Variants in ITGA8 observed in about 807,000 individuals in gnomAD.
The protein encoded by ITGA8 is integrin subunit alpha 8.
A neutral mutation model predicts 142.3 loss-of-function variants in ITGA8; 91 were observed. The observed-to-expected ratio is 0.64, with a 90% CI of 0.54 to 0.76. ITGA8 has a LOEUF of 0.76. Among genes scored for constraint, ITGA8 ranks in the 30% least tolerant of loss-of-function variants. The pLI, the probability that ITGA8 is intolerant of heterozygous loss-of-function variation, is 0.00. For missense variants in ITGA8, 1,406 were observed against 1,327.7 expected, an observed-to-expected ratio of 1.06 and a Z score of -0.92; for synonymous variants, 505 against 485.2, an observed-to-expected ratio of 1.04 and a Z score of -0.54.
intron 9 of ITGA8, among the ~76,000 whole-genome samples, chr10:15,660,359 C>A (rs1588704848): frequency 1.3e-5 from 2 of 152,170 alleles, no homozygotes. Context: ...AGTAGCTGCT[C>A]CTGCACATGG....
At chr10:15,661,025 A>G in intron 8 of ITGA8, 103 bp from the exon 9 acceptor site, 1 of 1,072,358 alleles carries the variant, frequency 9.3e-7, no homozygotes, top group Non-Finnish European at 1.4e-6. Flanking sequence ...TTGTAAAATG[A>G]GTGGCTATCA....
intron 4 of ITGA8, among the ~76,000 whole-genome samples, chr10:15,682,804 T>C (rs1834761818): frequency 6.8e-6 from 1 of 147,540 alleles, no homozygotes; most frequent in African/African-American, 2.5e-5. Context: ...TGAGCCATGA[T>C]CATCACACTA....
At position 15,660,985 on chromosome 10, in the gene ITGA8, G is replaced by A. The variant is rs974110018; in HGVS notation, c.848-63C>T. ...CACACACACAAACACACACACACACGCCATATACTAAAAGTGGTAAAGACA... is the reference window on the plus strand; with the variant it reads ...CACACACACAAACACACACACACACACCATATACTAAAAGTGGTAAAGACA... On this transcript the variant is annotated intron_variant, in intron 8 of 29. Transcript: ENST00000378076. 176 of 1,300,658 alleles carry A rather than the reference G, an allele frequency of 1.4e-4. 1 individual carries two copies. Among genetic ancestry groups the A allele is most frequent in the Non-Finnish European group, 6.8e-5 (61 of 901,742 alleles). The allele number at this position is 1,300,658 out of a possible 1,614,324, so 80.6% of individuals were successfully genotyped here. A position where few individuals can be genotyped will look rare whatever the true frequency, so the allele number is the denominator to read the frequency against.
intron 5 of ITGA8, 105 bp from the exon 6 acceptor site, chr10:15,677,742 T>G (rs1324973933): frequency 7.0e-6 from 8 of 1,141,846 alleles, no homozygotes; most frequent in Non-Finnish European, 1.0e-5. Context: ...AACAATTTGT[T>G]ACACATAAAA....
intron 13 of ITGA8, among the ~76,000 whole-genome samples, chr10:15,621,530 A>C (rs934808817): frequency 1.3e-5 from 2 of 152,176 alleles, no homozygotes; most frequent in Admixed American, 6.5e-5. Context: ...GATTTCACTA[A>C]TTTGGGAAAG....
chr10:15,530,500 C>T (rs533676348), intron 28 of ITGA8, among the ~76,000 whole-genome samples: 33 of 131,112 alleles, frequency 2.5e-4, no homozygotes, highest in South Asian at 5.2e-4. Flanking sequence ...GAGCTGAGAT[C>T]GTGCCCCTGC....
intron 12 of ITGA8, 150 bp from the exon 13 acceptor site, chr10:15,644,371 G>A: frequency 1.9e-6 from 1 of 537,358 alleles, no homozygotes; most frequent in Non-Finnish European, 3.0e-6. Flanking sequence ...GGACTCAAGT[G>A]ATCCTCCTGC....
chr10:15,661,420 T>C (rs1834285421), intron 8 of ITGA8, among the ~76,000 whole-genome samples: 2 of 152,098 alleles, frequency 1.3e-5, no homozygotes, highest in African/African-American at 2.4e-5. Context: ...ATGTAGAGGG[T>C]TGGAAGTTTG....
chr10:15,579,684 A>G (rs1834367475), intron 23 of ITGA8, among the ~76,000 whole-genome samples: 1 of 152,046 alleles, frequency 6.6e-6, no homozygotes, highest in African/African-American at 2.4e-5. Context: ...TCTCATCGAG[A>G]GAGATAGGAG....
chr10:15,551,100 G>C (rs559622640), intron 26 of ITGA8, among the ~76,000 whole-genome samples: 61 of 152,292 alleles, frequency 4.0e-4, no homozygotes, highest in African/African-American at 1.3e-3. Flanking sequence ...GTACATTTGA[G>C]AAGTCATGGA....
intron 12 of ITGA8, among the ~76,000 whole-genome samples, chr10:15,645,769 T>A (rs1248893139): frequency 6.6e-6 from 1 of 152,172 alleles, no homozygotes; most frequent in Non-Finnish European, 1.5e-5. Flanking sequence ...GAACCTGAAG[T>A]GCATTTAAGA....
At chr10:15,582,386 AG>A (rs1473159379) in intron 23 of ITGA8, among the ~76,000 whole-genome samples, 1 of 152,268 alleles carries the variant, frequency 6.6e-6, no homozygotes, top group East Asian at 1.9e-4. Context: ...ACTTTGGAAC[AG>A]TATTATTTCA....
At chr10:15,661,907 G>T (rs566607672) in intron 8 of ITGA8, among the ~76,000 whole-genome samples, 13 of 152,230 alleles carry the variant, frequency 8.5e-5, no homozygotes, top group Admixed American at 7.9e-4. Context: ...TCTTTATTTG[G>T]TATAAATTAA....
Position 15,678,786 on chromosome 10 carries a change from A to T in ITGA8, c.569-3T>A. 1 of 1,587,730 alleles carries T rather than the reference A, an allele frequency of 6.3e-7. No homozygotes were observed. The highest frequency in any genetic ancestry group is 8.6e-7 in the Non-Finnish European group (1 of 1,157,960). On this transcript the variant is annotated splice_region_variant and splice_polypyrimidine_tract_variant and intron_variant, in intron 4 of 29. Coordinates refer to ENST00000378076, the MANE Select transcript of ITGA8 (RefSeq NM_003638.3). Reference sequence around the variant, plus strand: ...CTGGCCTTCCGGATCAGCATTGCCTAGAACGATCAAAATACATAAATGTTA... The same window carrying T: ...CTGGCCTTCCGGATCAGCATTGCCTTGAACGATCAAAATACATAAATGTTA...
At chr10:15,547,216 A>G (rs1032795102) in intron 27 of ITGA8, among the ~76,000 whole-genome samples, 39 of 152,226 alleles carry the variant, frequency 2.6e-4, no homozygotes, top group African/African-American at 7.2e-4. Context: ...TATCATTTAA[A>G]TAGCGCTTTC....
chr10:15,599,833 A>G (rs567467105), intron 20 of ITGA8, among the ~76,000 whole-genome samples: 2 of 152,262 alleles, frequency 1.3e-5, no homozygotes, highest in South Asian at 4.1e-4. Flanking sequence ...AGGCAGGAGA[A>G]TCGCTTGAAC....
chr10:15,669,529 A>G (rs1327934538), intron 8 of ITGA8, among the ~76,000 whole-genome samples: 4 of 152,198 alleles, frequency 2.6e-5, no homozygotes, highest in East Asian at 1.9e-4. Flanking sequence ...CATCAAAGTC[A>G]TTCTCCATCC....
Position 15,719,556 on chromosome 10 carries a change from G to A in ITGA8, c.209+7C>T. 6.4e-7 allele frequency: 1 copy of A among 1,554,930 alleles called. No homozygotes were observed. The highest frequency in any genetic ancestry group is 1.7e-4 in the Middle Eastern group (1 of 5,840). ...CCGCGCGCACCTCCCCGGGTCGGGC[G>A]ACTTACGTGCGGGCGTCGGGTATGT... On this transcript the variant is annotated splice_region_variant and intron_variant, in intron 1 of 29. Transcript: ENST00000378076.
At chr10:15,585,435 AG>A (rs1451084775) in intron 23 of ITGA8, among the ~76,000 whole-genome samples, 1 of 152,188 alleles carries the variant, frequency 6.6e-6, no homozygotes, top group East Asian at 1.9e-4. Context: ...CTAATCCGCT[AG>A]GGGGCGCCCC....
Sources: gnomAD v4.1 joint callset for allele counts (sites outside exome capture counted in the v4.1 genomes callset) on GRCh38, gnomAD v4.1.1 for gene constraint, MANE v1.5 for transcripts, NCBI Gene and HGNC (gene_info 2026-07-23, HGNC 2026-07-21) for gene names.